The following DSCAML1 variants were observed in gnomAD, a reference collection of about 807,000 sequenced individuals.
DSCAML1 encodes the protein cell adhesion molecule DSCAML1.
In DSCAML1, 38 loss-of-function variants were observed where a neutral mutation model predicts 200.5. The observed-to-expected ratio is 0.19, with a 90% confidence interval of 0.15 to 0.25. The LOEUF is 0.25. Ranked by LOEUF, DSCAML1 falls within the 10% of genes least tolerant of loss-of-function variation. The probability of loss-of-function intolerance (pLI) is 1.00; values close to 1 mark genes in which losing one functional copy is unlikely to be tolerated. For missense variants in DSCAML1, 2,223 were observed against 2,858.8 expected, an observed-to-expected ratio of 0.78 and a Z score of 5.07; for synonymous variants, 1,215 against 1,165.0, an observed-to-expected ratio of 1.04 and a Z score of -0.87.
intron 3 of DSCAML1, among the ~76,000 whole-genome samples, chr11:117,714,961 GC>G (rs2053924441): frequency 6.6e-6 from 1 of 152,010 alleles, no homozygotes. Context: ...CTGACTTGGT[GC>G]CTACTCTGCC....
rs201301525 is a variant in DSCAML1, at chr11:117,504,953, G to T, written c.2153C>A (p.Pro718Gln). 19 of 1,609,816 alleles carry T rather than the reference G, an allele frequency of 1.2e-5. No individual in the cohort carries two copies. The highest frequency in any genetic ancestry group is 1.7e-5 in the Admixed American group (1 of 59,884). ...GGCATGCTTCCACATGACCTTGGGT[G>T]GGGGGTAGCCGTCCACCGAGCAGTT... is the stretch of plus-strand genomic sequence containing the variant. ...VLNCSVDGYP[P>Q]PKVMWKHAKG... The change falls in exon 10 of 33, where the codon CCA becomes CAA. Residue 718 changes from proline (P) to glutamine (Q), a missense_variant. By Grantham distance (76) the Pro-to-Gln change is moderately conservative. Around this residue, in one of 7 missense-constraint regions of DSCAML1, gnomAD observed 212 missense variants for 368.0 expected, o/e 0.58. Coordinates refer to ENST00000651296, the MANE Select transcript of DSCAML1 (RefSeq NM_020693.4). The surrounding 1 kb of genome is among the most constrained non-coding windows in gnomAD (Gnocchi z 5.0).
intron 3 of DSCAML1, among the ~76,000 whole-genome samples, chr11:117,775,245 C>G (rs887685958): frequency 6.6e-6 from 1 of 152,164 alleles, no homozygotes; most frequent in Admixed American, 6.5e-5. Flanking sequence ...ACCCAAGAAC[C>G]CTGGACTCAG....
intron 1 of DSCAML1, among the ~76,000 whole-genome samples, chr11:117,794,936 G>A (rs866704224): frequency 1.3e-5 from 2 of 152,140 alleles, no homozygotes; most frequent in Non-Finnish European, 2.9e-5. Flanking sequence ...GGCCACCGAG[G>A]AGCCGCCACA....
At chr11:117,622,111 A>G (rs1049056266) in intron 3 of DSCAML1, among the ~76,000 whole-genome samples, 1 of 152,224 alleles carries the variant, frequency 6.6e-6, no homozygotes. Flanking sequence ...ATGTTTGCCA[A>G]AATGAGGACC....
Position 117,516,761 on chromosome 11 carries a change from G to C in DSCAML1, c.1511-22C>G. 5.1e-6 allele frequency: 8 copies of C among 1,580,546 alleles called. No homozygotes were observed. The highest frequency in any genetic ancestry group is 6.9e-6 in the Non-Finnish European group (8 of 1,160,872). On this transcript the variant is annotated intron_variant, in intron 7 of 32. Transcript: ENST00000651296. This position sits in a 1 kb window ranked among gnomAD's most constrained non-coding sequence, Gnocchi z 5.7. ...GGGCCTGGGCAGGAGTCAGAAGAGA[G>C]GAGGAGGAGGAGAAGGGCATGTGCT...
intron 3 of DSCAML1, among the ~76,000 whole-genome samples, chr11:117,736,811 C>T (rs958079402): frequency 2.0e-5 from 3 of 152,248 alleles, no homozygotes; most frequent in African/African-American, 7.2e-5. Flanking sequence ...AGACATCGTT[C>T]ACACAGTGGA....
At chr11:117,485,065 C>CA (rs1468893681) in intron 11 of DSCAML1, among the ~76,000 whole-genome samples, 1 of 152,126 alleles carries the variant, frequency 6.6e-6, no homozygotes. Flanking sequence ...ATTACAAAGG[C>CA]AACCCCACCA....
chr11:117,459,807 C>A lies in DSCAML1; in HGVS notation c.3413-898G>T, dbSNP rs188332063. Among the ~76,000 whole-genome samples, 655 of 152,342 alleles carry A rather than the reference C, an allele frequency of 4.3e-3. 7 individuals carry two copies. Among genetic ancestry groups the A allele is most frequent in the African/African-American group, 0.015 (620 of 41,570 alleles). On this transcript the variant is annotated intron_variant, in intron 18 of 32. Transcript: ENST00000651296. ...GTAGACATGAGTTCCTGGAGACCCC[C>A]CTCCCAGCACCTCGCGGATGGTCCA...
chr11:117,705,635 C>T (rs1326242561), intron 3 of DSCAML1, among the ~76,000 whole-genome samples: 1 of 152,158 alleles, frequency 6.6e-6, no homozygotes, highest in Non-Finnish European at 1.5e-5. Flanking sequence ...GTCACCTCAC[C>T]CATGTGTCCT....
rs1205484097 is a variant in DSCAML1, at chr11:117,604,815, G to A, written c.512-72293C>T. Among the ~76,000 whole-genome samples, 9 of 152,222 alleles carry A rather than the reference G, an allele frequency of 5.9e-5. No homozygotes were observed. The East Asian group carries it at 1.7e-3, about 29-fold the overall frequency. On this transcript the variant is annotated intron_variant, in intron 3 of 32. Transcript: ENST00000651296. ...AGCAATGGAAAAAGATCTCTCCCAT[G>A]CCGCTCTGTCTGCCCGTGGCTCCTT...
intron 3 of DSCAML1, among the ~76,000 whole-genome samples, chr11:117,667,928 T>C (rs576125797): frequency 6.6e-6 from 1 of 152,338 alleles, no homozygotes; most frequent in East Asian, 1.9e-4. Flanking sequence ...TAGTGCCAGA[T>C]GATCTACTAC....
intron 20 of DSCAML1, among the ~76,000 whole-genome samples, chr11:117,449,294 G>A (rs2048238829): frequency 6.6e-6 from 1 of 152,118 alleles, no homozygotes; most frequent in African/African-American, 2.4e-5. Flanking sequence ...GGTGGGTTGT[G>A]AAAATTCGCG....
At chr11:117,549,643 A>AT (rs2050436048) in intron 3 of DSCAML1, among the ~76,000 whole-genome samples, 1 of 152,196 alleles carries the variant, frequency 6.6e-6, no homozygotes, top group Admixed American at 6.5e-5. Context: ...TGCTCTCATG[A>AT]TTATGACTTA....
chr11:117,615,567 C>G (rs1174919136), intron 3 of DSCAML1, among the ~76,000 whole-genome samples: 1 of 152,074 alleles, frequency 6.6e-6, no homozygotes, highest in Non-Finnish European at 1.5e-5. Flanking sequence ...GGGAGAGGTA[C>G]AGGCAGGTCT....
chr11:117,792,342 C>T (rs985382370), intron 1 of DSCAML1, among the ~76,000 whole-genome samples: 3 of 152,108 alleles, frequency 2.0e-5, no homozygotes, highest in Non-Finnish European at 2.9e-5. Flanking sequence ...AAACCATTCC[C>T]GAGGCCACAC....
chr11:117,771,130 C>T (rs1344932966), intron 3 of DSCAML1, among the ~76,000 whole-genome samples: 1 of 152,186 alleles, frequency 6.6e-6, no homozygotes, highest in Non-Finnish European at 1.5e-5. Context: ...AGCACCGGCA[C>T]CACCTCCCCT....
intron 3 of DSCAML1, among the ~76,000 whole-genome samples, chr11:117,620,538 C>G (rs2051907291): frequency 6.6e-6 from 1 of 152,216 alleles, no homozygotes; most frequent in East Asian, 1.9e-4. Context: ...ATTGCTCAGA[C>G]AGGCTTGTCT....
chr11:117,752,170 T>C (rs564380226), intron 3 of DSCAML1, among the ~76,000 whole-genome samples: 1 of 152,188 alleles, frequency 6.6e-6, no homozygotes, highest in African/African-American at 2.4e-5. Context: ...GGAGCCCTGA[T>C]TCCAGGAGGC....
At position 117,660,471 on chromosome 11, in the gene DSCAML1, T is replaced by G. The variant is rs996276497; in HGVS notation, c.511+116320A>C. Among the ~76,000 whole-genome samples the G allele has an allele frequency of 3.9e-5, 6 of 152,204 alleles. No homozygotes were observed. In the South Asian group the frequency reaches 6.2e-4, roughly 16 times the overall value. On this transcript the variant is annotated intron_variant, in intron 3 of 32. Transcript: ENST00000651296. ...TCTGAGTTCCTTCCCTGCTCTCCGG[T>G]TCTCCATGAGGACTCATTTGGTAGG...
Sources: allele counts gnomAD v4.1 joint callset (sites outside exome capture counted in the v4.1 genomes callset), GRCh38; gene constraint gnomAD v4.1.1; regional missense constraint gnomAD v4.1.1; non-coding constraint Gnocchi (gnomAD v3.1); transcripts MANE v1.5; gene names NCBI Gene and HGNC (gene_info 2026-07-23, HGNC 2026-07-21).